SRGN: variants seen among roughly 807,000 people sequenced by gnomAD.
The protein encoded by SRGN is serglycin, also known as hematopoetic proteoglycan core peptide.
Under a neutral mutation model 9.5 loss-of-function variants are expected in SRGN, and 2 were observed. The observed-to-expected ratio is 0.21, with a 90% CI of 0.09 to 0.66. The LOEUF (loss-of-function observed/expected upper bound fraction) is 0.66, where lower values mean the gene tolerates loss of function less well. SRGN is among the 30% of genes least tolerant of loss of function. SRGN has a pLI of 0.83. For synonymous variants in SRGN, 59 were observed against 72.3 expected, an observed-to-expected ratio of 0.82 and a Z score of 0.93; for missense variants, 170 against 192.4, an observed-to-expected ratio of 0.88 and a Z score of 0.69.
At chr10:69,089,488 A>T (rs1280072163) in intron 1 of SRGN, among the ~76,000 whole-genome samples, 2 of 152,202 alleles carry the variant, frequency 1.3e-5, no homozygotes, top group Admixed American at 6.5e-5. Flanking sequence ...CCAACCAGAG[A>T]TATGTAAGTC....
At chr10:69,098,232 T>C (rs1840218125) in intron 2 of SRGN, among the ~76,000 whole-genome samples, 1 of 152,204 alleles carries the variant, frequency 6.6e-6, no homozygotes, top group South Asian at 2.1e-4. Context: ...CAAAGGAATA[T>C]TATTGGGTCA....
intron 2 of SRGN, chr10:69,098,642 T>A (rs1438373126): frequency 1.3e-5 from 2 of 151,336 alleles, no homozygotes; most frequent in Non-Finnish European, 2.9e-5. Flanking sequence ...ATTAAAAAAA[T>A]GTTCTTCAAG....
At chr10:69,099,407 C>G (rs979357164) in intron 2 of SRGN, among the ~76,000 whole-genome samples, 1 of 150,828 alleles carries the variant, frequency 6.6e-6, no homozygotes, top group Non-Finnish European at 1.5e-5. Context: ...CTCAAGTGAT[C>G]TTCCTGCCTC....
chr10:69,089,040 T>C (rs1040734241), intron 1 of SRGN, among the ~76,000 whole-genome samples: 1 of 152,210 alleles, frequency 6.6e-6, no homozygotes, highest in Non-Finnish European at 1.5e-5. Flanking sequence ...GATAGAGAGA[T>C]GGCTGAACCT....
chr10:69,103,981 TA>T lies in SRGN; in HGVS notation c.340del (p.Thr114ArgfsTer9). 1 of 1,614,220 alleles carries T rather than the reference TA, an allele frequency of 6.2e-7. No individual in the cohort carries two copies. Among genetic ancestry groups the T allele is most frequent in the Non-Finnish European group, 8.5e-7 (1 of 1,180,046 alleles). ...GSGSGSGSGF[L>X]TEMEQDYQLV... ...GGATCAGGATCTGGGAGTGGCTTCC[TA>T]ACGGAAATGGAACAGGATTACCAAC... On this transcript the variant is annotated frameshift_variant, in exon 3 of 3. Coordinates refer to ENST00000242465, the MANE Select transcript of SRGN (RefSeq NM_002727.4). LOFTEE classifies it low-confidence loss of function (END_TRUNC).
intron 2 of SRGN, among the ~76,000 whole-genome samples, chr10:69,099,469 A>T (rs1171694710): frequency 1.3e-5 from 2 of 151,692 alleles, no homozygotes; most frequent in Admixed American, 1.3e-4. Context: ...CCATCTAATT[A>T]AAAAAATTTT....
At chr10:69,096,887 AAG>A (rs1840185484) in intron 1 of SRGN, among the ~76,000 whole-genome samples, 195 bp from the exon 2 acceptor site, 1 of 152,054 alleles carries the variant, frequency 6.6e-6, no homozygotes, top group Non-Finnish European at 1.5e-5. Flanking sequence ...CCAGCTACTC[AAG>A]AGGCTGGGGT....
At chr10:69,087,769 G>T (rs1839968149), upstream of SRGN, among the ~76,000 whole-genome samples, 1 of 151,858 alleles carries the variant, frequency 6.6e-6, no homozygotes, top group South Asian at 2.1e-4. Context: ...AAATGCAGCA[G>T]ATTCTTAATA....
intron 2 of SRGN, among the ~76,000 whole-genome samples, chr10:69,101,265 G>A (rs1444695247): frequency 6.6e-6 from 1 of 152,010 alleles, no homozygotes; most frequent in East Asian, 1.9e-4. Flanking sequence ...GTGCCTGGCC[G>A]AAGGAAATAT....
chr10:69,094,760 T>A (rs1840140038), intron 1 of SRGN, among the ~76,000 whole-genome samples: 1 of 151,954 alleles, frequency 6.6e-6, no homozygotes, highest in Non-Finnish European at 1.5e-5. Flanking sequence ...AGCTAATTTT[T>A]AAAATCTTTT....
chr10:69,092,409 C>G (rs1733371683), intron 1 of SRGN, among the ~76,000 whole-genome samples: 1 of 152,022 alleles, frequency 6.6e-6, no homozygotes, highest in African/African-American at 2.4e-5. Context: ...GAGTGGGATC[C>G]CTTCTACTTT....
intron 1 of SRGN, among the ~76,000 whole-genome samples, chr10:69,095,468 A>C (rs1297029822): frequency 6.6e-6 from 1 of 152,092 alleles, no homozygotes; most frequent in East Asian, 1.9e-4. Flanking sequence ...CTTGCTAGGT[A>C]ATTATTAGTT....
At chr10:69,088,335 T>C in intron 1 of SRGN, 99 bp downstream of exon 1, 1 of 1,055,478 alleles carries the variant, frequency 9.5e-7, no homozygotes. Flanking sequence ...TGTATAATAT[T>C]GTGAGAAAGG....
At chr10:69,093,937 G>T (rs1305316798) in intron 1 of SRGN, among the ~76,000 whole-genome samples, 1 of 152,098 alleles carries the variant, frequency 6.6e-6, no homozygotes, top group Non-Finnish European at 1.5e-5. Context: ...CTAAATGGTA[G>T]AATGGGAATT....
intron 1 of SRGN, among the ~76,000 whole-genome samples, chr10:69,090,087 G>C (rs1160719673): frequency 1.3e-5 from 2 of 152,124 alleles, no homozygotes; most frequent in Non-Finnish European, 2.9e-5. Context: ...CCGAAAAAAG[G>C]CTCTCAGTAT....
At chr10:69,090,287 C>T (rs911295727) in intron 1 of SRGN, among the ~76,000 whole-genome samples, 9 of 152,326 alleles carry the variant, frequency 5.9e-5, no homozygotes, top group African/African-American at 2.2e-4. Flanking sequence ...GTTTATCTAG[C>T]CCGTTGGTTT....
chr10:69,090,228 C>T (rs763579233), intron 1 of SRGN, among the ~76,000 whole-genome samples: 19 of 152,194 alleles, frequency 1.2e-4, no homozygotes, highest in African/African-American at 3.9e-4. Flanking sequence ...CACACCTCCA[C>T]GCAATGCCAG....
chr10:69,097,310 G>T, intron 2 of SRGN, 79 bp downstream of exon 2: 2 of 1,248,264 alleles, frequency 1.6e-6, no homozygotes, highest in Non-Finnish European at 1.1e-6. Context: ...GCCCAGGCTG[G>T]AGTGCAATGG....
intron 2 of SRGN, among the ~76,000 whole-genome samples, chr10:69,101,825 T>A (rs1840297999): frequency 6.6e-6 from 1 of 152,130 alleles, no homozygotes; most frequent in South Asian, 2.1e-4. Context: ...GGCAGGAGGA[T>A]CACTTGAGCC....
Sources: allele counts gnomAD v4.1 joint callset (sites outside exome capture counted in the v4.1 genomes callset), GRCh38; gene constraint gnomAD v4.1.1; transcripts MANE v1.5; gene names NCBI Gene and HGNC (gene_info 2026-07-23, HGNC 2026-07-21).